Variants in CPSF4 observed in about 807,000 individuals in gnomAD.
CPSF4 encodes the protein cleavage and polyadenylation specific factor 4.
Under a neutral mutation model 37.7 loss-of-function variants are expected in CPSF4, and 11 were observed. The observed-to-expected ratio is 0.29, with a 90% CI of 0.18 to 0.48. CPSF4 has a LOEUF of 0.48. CPSF4 is among the 20% of genes least tolerant of loss of function. CPSF4 has a pLI of 0.99. For missense variants in CPSF4, 144 were observed against 359.5 expected, an observed-to-expected ratio of 0.40 and a Z score of 4.85; for synonymous variants, 132 against 135.9, an observed-to-expected ratio of 0.97 and a Z score of 0.20.
chr7:99,440,670 ATATATT>A (rs1438795192), intron 1 of CPSF4, among the ~76,000 whole-genome samples: 5 of 82,682 alleles, frequency 6.0e-5, no homozygotes, highest in African/African-American at 4.9e-4. Flanking sequence ...ATATATATAT[ATATATT>A]TTTTTTTTTT....
At chr7:99,456,133 G>A (rs1447680301) in intron 7 of CPSF4, among the ~76,000 whole-genome samples, 1 of 152,242 alleles carries the variant, frequency 6.6e-6, no homozygotes, top group Admixed American at 6.5e-5. Flanking sequence ...CATGTGTCCA[G>A]GTGGGAGAGT....
At chr7:99,441,998 A>G (rs1265191270) in intron 1 of CPSF4, among the ~76,000 whole-genome samples, 1 of 152,106 alleles carries the variant, frequency 6.6e-6, no homozygotes, top group Non-Finnish European at 1.5e-5. Flanking sequence ...GGCCACTTTC[A>G]GACTTTTTGA....
intron 1 of CPSF4, chr7:99,443,133 A>C (rs1031287608): frequency 3.7e-6 from 3 of 808,558 alleles, no homozygotes; most frequent in Non-Finnish European, 6.7e-6. Flanking sequence ...AGAAATCCCA[A>C]ACCTAGCTGC....
At chr7:99,439,401 A>T in intron 1 of CPSF4, 1 of 466,898 alleles carries the variant, frequency 2.1e-6, no homozygotes, top group Non-Finnish European at 3.8e-6. Context: ...TAGTTACCGA[A>T]CTCCCTCATC....
intron 6 of CPSF4, 22 bp downstream of exon 6, chr7:99,452,462 G>T (rs1482789708): frequency 1.2e-6 from 2 of 1,604,920 alleles, no homozygotes; most frequent in East Asian, 4.5e-5. Context: ...GGCCTTCCTC[G>T]GTAGGAAGGA....
rs187511196 is a variant in CPSF4, at chr7:99,440,639, G to T, written c.103+1454G>T. On this transcript the variant is annotated intron_variant, in intron 1 of 7. Coordinates refer to ENST00000292476, the MANE Select transcript of CPSF4 (RefSeq NM_006693.4). ...TCGGAAGTACTGGGATTATAGGCAT[G>T]AGCCACTGCACCTGGCATATATATA... 2.2e-3 allele frequency among the ~76,000 whole-genome samples: 285 copies of T among 127,160 alleles called. 1 individual carries two copies. The highest frequency in any genetic ancestry group is 3.4e-3 in the Non-Finnish European group (218 of 64,712). 83.4% of individuals were successfully genotyped at this position (127,160 alleles called of 152,430 possible).
intron 3 of CPSF4, among the ~76,000 whole-genome samples, 175 bp from the exon 4 acceptor site, chr7:99,450,101 G>T (rs1562862324): frequency 6.6e-6 from 1 of 152,140 alleles, no homozygotes; most frequent in Non-Finnish European, 1.5e-5. Flanking sequence ...GTCTCAATGG[G>T]TGCATTTCCA....
At chr7:99,455,143 G>A (rs1243715475) in intron 7 of CPSF4, among the ~76,000 whole-genome samples, 4 of 152,188 alleles carry the variant, frequency 2.6e-5, no homozygotes, top group African/African-American at 9.7e-5. Context: ...GTTAAGCGGG[G>A]CCACTTCTGT....
At chr7:99,452,249 G>C in intron 5 of CPSF4, 119 bp from the exon 6 acceptor site, 3 of 838,992 alleles carry the variant, frequency 3.6e-6, no homozygotes, top group Non-Finnish European at 5.9e-6. Context: ...ACTTTGTGCT[G>C]GGGCAGCTGA....
chr7:99,454,972 T>C (rs1798205653), intron 7 of CPSF4, among the ~76,000 whole-genome samples: 2 of 151,828 alleles, frequency 1.3e-5, no homozygotes, highest in South Asian at 4.2e-4. Flanking sequence ...GGAGGATTGC[T>C]TGGGCCCAGG....
At chr7:99,454,292 T>C (rs1037891738) in intron 7 of CPSF4, among the ~76,000 whole-genome samples, 156 bp downstream of exon 7, 5 of 152,246 alleles carry the variant, frequency 3.3e-5, no homozygotes, top group African/African-American at 1.2e-4. Context: ...TCCACTGTGG[T>C]GGGCTAGAGA....
At chr7:99,442,873 G>T in intron 1 of CPSF4, 2 of 1,123,026 alleles carry the variant, frequency 1.8e-6, no homozygotes, top group Non-Finnish European at 2.7e-6. Flanking sequence ...AAAGTATCAA[G>T]AACCTTTCAT....
At chr7:99,444,732 A>G in intron 1 of CPSF4, 57 bp from the exon 2 acceptor site, 3 of 1,531,446 alleles carry the variant, frequency 2.0e-6, no homozygotes, top group Non-Finnish European at 2.7e-6. Context: ...GTCTTCAGAC[A>G]TTGTCAATAG....
intron 3 of CPSF4, among the ~76,000 whole-genome samples, chr7:99,450,034 C>T (rs1240445731): frequency 6.6e-6 from 1 of 152,196 alleles, no homozygotes; most frequent in Admixed American, 6.5e-5. Context: ...ACAAGTGCTT[C>T]CCCTACCCTT....
intron 7 of CPSF4, 181 bp from the exon 8 acceptor site, chr7:99,456,251 C>T (rs1798301081): frequency 3.2e-6 from 2 of 629,960 alleles, no homozygotes; most frequent in Non-Finnish European, 5.7e-6. Context: ...ACTTTCCATC[C>T]TGAGCTCCCT....
chr7:99,439,294 T>C, intron 1 of CPSF4, 109 bp downstream of exon 1: 2 of 755,334 alleles, frequency 2.6e-6, no homozygotes, highest in South Asian at 1.9e-5. Context: ...CCCGGCTTCC[T>C]CTGGATCCTG....
At chr7:99,447,734 C>T (rs1165069404) in intron 2 of CPSF4, 14 of 425,324 alleles carry the variant, frequency 3.3e-5, no homozygotes, top group African/African-American at 2.6e-4. Context: ...GGACTATAGG[C>T]GCCAGCCACC....
chr7:99,447,761 T>C (rs1349391659), intron 2 of CPSF4: 7 of 436,054 alleles, frequency 1.6e-5, no homozygotes, highest in Non-Finnish European at 2.8e-5. Flanking sequence ...GGCTAATTTT[T>C]TGTATTTTTA....
chr7:99,442,582 G>C (rs59535450), intron 1 of CPSF4, among the ~76,000 whole-genome samples: 3 of 149,038 alleles, frequency 2.0e-5, no homozygotes, highest in African/African-American at 7.5e-5. Context: ...TGTGAACCCC[G>C]GTGGGGCAGA....
Sources: allele counts gnomAD v4.1 joint callset (sites outside exome capture counted in the v4.1 genomes callset), GRCh38; gene constraint gnomAD v4.1.1; transcripts MANE v1.5; gene names NCBI Gene and HGNC (gene_info 2026-07-23, HGNC 2026-07-21).